Variants in GLIS1 observed in about 807,000 individuals in gnomAD.
GLIS1 encodes zinc finger protein GLIS1.
A neutral mutation model predicts 63.8 loss-of-function variants in GLIS1; 24 were observed. That is an observed-to-expected ratio of 0.38 (90% CI 0.27 to 0.53). The LOEUF is 0.53. GLIS1 is among the 20% of genes least tolerant of loss of function. The pLI, the probability that GLIS1 is intolerant of heterozygous loss-of-function variation, is 0.85. For synonymous variants in GLIS1, 450 were observed against 482.5 expected (o/e 0.93, Z 0.88); for missense variants, 1,036 against 1,074.1 (o/e 0.96, Z 0.50).
rs151166104 is a variant in GLIS1, at chr1:53,652,694, G to A, written c.260-52416C>T. Among the ~76,000 whole-genome samples, 185 of 152,176 alleles carry A rather than the reference G, an allele frequency of 1.2e-3. 1 individual carries two copies. In the East Asian group the frequency reaches 0.031, roughly 25 times the overall value. On this transcript the variant is annotated intron_variant, in intron 2 of 10. Coordinates refer to ENST00000628545, the MANE Select transcript of GLIS1 (RefSeq NM_001367484.1). ...CAATGATCTCTTCCATGTGTTTCCCGAGGCTCCTCGGTCCCTGTGCAACAC... is the reference window on the plus strand; with the variant it reads ...CAATGATCTCTTCCATGTGTTTCCCAAGGCTCCTCGGTCCCTGTGCAACAC...
chr1:53,556,663 G>A (rs966270164), intron 4 of GLIS1, among the ~76,000 whole-genome samples: 51 of 150,802 alleles, frequency 3.4e-4, no homozygotes, highest in Non-Finnish European at 5.0e-4. Context: ...GTATGTGTGT[G>A]TATGCAGGTG....
At chr1:53,696,078 C>A (rs1362197191) in intron 2 of GLIS1, among the ~76,000 whole-genome samples, 1 of 152,242 alleles carries the variant, frequency 6.6e-6, no homozygotes, top group Admixed American at 6.5e-5. Context: ...CCAGCAGTTA[C>A]CCCTGCTTTA....
At chr1:53,518,300 C>G (rs1238222809) in intron 7 of GLIS1, among the ~76,000 whole-genome samples, 1 of 152,200 alleles carries the variant, frequency 6.6e-6, no homozygotes, top group Non-Finnish European at 1.5e-5. Flanking sequence ...ACAGCCTGCA[C>G]AGATGGTCTG....
At chr1:53,525,801 C>T (rs1003249346) in intron 5 of GLIS1, among the ~76,000 whole-genome samples, 2 of 152,078 alleles carry the variant, frequency 1.3e-5, no homozygotes, top group Non-Finnish European at 2.9e-5. Context: ...CCCGCAGCCA[C>T]GTCACCTCCT....
At chr1:53,676,919 C>T (rs987065662) in intron 2 of GLIS1, among the ~76,000 whole-genome samples, 3 of 152,248 alleles carry the variant, frequency 2.0e-5, no homozygotes, top group African/African-American at 7.2e-5. Context: ...GACGCACTTG[C>T]CTTCAAATCC....
intron 2 of GLIS1, among the ~76,000 whole-genome samples, chr1:53,666,606 G>A (rs1197964717): frequency 6.6e-6 from 1 of 152,096 alleles, no homozygotes; most frequent in African/African-American, 2.4e-5. Flanking sequence ...CCACTCTTGG[G>A]GATCCAAAGC....
intron 2 of GLIS1, among the ~76,000 whole-genome samples, chr1:53,629,355 T>C (rs1254608814): frequency 2.0e-5 from 3 of 152,188 alleles, no homozygotes; most frequent in Non-Finnish European, 4.4e-5. Context: ...CACATGGCAG[T>C]TGCTATCACT....
chr1:53,559,051 T>C lies in GLIS1; in HGVS notation c.1321-29099A>G, dbSNP rs148151686. On this transcript the variant is annotated intron_variant, in intron 4 of 10. Transcript: ENST00000628545. Reference sequence around the variant, plus strand: ...CAAATCCCAAACTGATGAGTGTTTGTGGTAGCAGAGGTAAGACTCAGACCC... The same window carrying C: ...CAAATCCCAAACTGATGAGTGTTTGCGGTAGCAGAGGTAAGACTCAGACCC... 1.1e-3 allele frequency among the ~76,000 whole-genome samples: 165 copies of C among 152,324 alleles called. 2 individuals are homozygous for C. Among genetic ancestry groups the C allele is most frequent in the African/African-American group, 3.8e-3 (156 of 41,564 alleles).
At chr1:53,537,986 T>C (rs1422835770) in intron 4 of GLIS1, among the ~76,000 whole-genome samples, 1 of 152,244 alleles carries the variant, frequency 6.6e-6, no homozygotes, top group East Asian at 1.9e-4. Flanking sequence ...TTCTCCAACA[T>C]GTCAAATAAT....
Position 53,506,648 on chromosome 1 carries a change from G to A in GLIS1, c.2359C>T (p.His787Tyr). The change falls in exon 11 of 11, where the codon CAC becomes TAC. Residue 787 changes from histidine (H) to tyrosine (Y), a missense_variant. Around this residue, in one of 3 missense-constraint regions of GLIS1, gnomAD observed 400 missense variants for 400.9 expected, o/e 1.00. Transcript: ENST00000628545. ...GTGTCTGTGTAGATGGAGGGGATGT[G>A]GCCCAGGCAGTGGTCAAAGGCTCCA... is the stretch of plus-strand genomic sequence containing the variant. ...PNGAFDHCLG[H>Y]IPSIYTDT is the part of the protein sequence containing the mutation. The A allele has an allele frequency of 1.3e-6, 2 of 1,591,472 alleles. No homozygotes were observed. The highest frequency in any genetic ancestry group is 2.3e-5 in the East Asian group (1 of 43,946).
intron 4 of GLIS1, among the ~76,000 whole-genome samples, chr1:53,578,021 G>A (rs2100486941): frequency 6.6e-6 from 1 of 152,106 alleles, no homozygotes; most frequent in African/African-American, 2.4e-5. Context: ...CTTCTCCTAG[G>A]CCCCATCATC....
At position 53,632,063 on chromosome 1, in the gene GLIS1, G is replaced by A. The variant is rs559143013; in HGVS notation, c.260-31785C>T. 1.1e-4 allele frequency among the ~76,000 whole-genome samples: 16 copies of A among 150,870 alleles called. No individual in the cohort carries two copies. The East Asian group carries it at 1.4e-3, about 13-fold the overall frequency. ...GAGAGAGGTGTGTGAATGAGTGTGC[G>A]GGATGTGTGAATGAGTGTGACTGAG... is the stretch of plus-strand genomic sequence containing the variant. On this transcript the variant is annotated intron_variant, in intron 2 of 10. Transcript: ENST00000628545.
chr1:53,731,905 A>C (rs1318894114), intron 2 of GLIS1, among the ~76,000 whole-genome samples: 2 of 152,184 alleles, frequency 1.3e-5, no homozygotes, highest in African/African-American at 2.4e-5. Context: ...GGAATCCTGG[A>C]GTATCAGCAG....
intron 2 of GLIS1, among the ~76,000 whole-genome samples, chr1:53,626,840 T>C (rs147383074): frequency 3.2e-3 from 491 of 152,374 alleles, no homozygotes; most frequent in Middle Eastern, 6.8e-3. Context: ...GTGGCTGACA[T>C]GCCCCTGCAT....
chr1:53,616,821 C>T (rs551056151), intron 2 of GLIS1, among the ~76,000 whole-genome samples: 10 of 152,258 alleles, frequency 6.6e-5, no homozygotes, highest in Non-Finnish European at 1.3e-4. Context: ...CTCCGAGGCT[C>T]GGGATTTCTG....
intron 2 of GLIS1, among the ~76,000 whole-genome samples, chr1:53,691,371 C>T (rs908520598): frequency 6.6e-6 from 1 of 152,316 alleles, no homozygotes; most frequent in East Asian, 1.9e-4. Flanking sequence ...ACATGAGACA[C>T]ACATAAACCT....
At chr1:53,592,926 A>C (rs1645206950) in intron 4 of GLIS1, among the ~76,000 whole-genome samples, 1 of 152,216 alleles carries the variant, frequency 6.6e-6, no homozygotes. Context: ...AAGGGCAAGC[A>C]CCTTGCCCCA....
At position 53,646,213 on chromosome 1, in the gene GLIS1, T is replaced by C. The variant is rs1645842771; in HGVS notation, c.260-45935A>G. Among the ~76,000 whole-genome samples, 1 of 152,126 alleles carries C rather than the reference T, an allele frequency of 6.6e-6. No individual in the cohort carries two copies. Among genetic ancestry groups the C allele is most frequent in the African/African-American group, 2.4e-5 (1 of 41,420 alleles). ...AAGCAAGAGAATGACAAACATAAGA[T>C]TACCTCTAGTGGGTAAGCAGGGATG... On this transcript the variant is annotated intron_variant, in intron 2 of 10. Transcript: ENST00000628545. This position sits in a 1 kb window ranked among gnomAD's most constrained non-coding sequence, Gnocchi z 4.2.
chr1:53,684,857 T>G (rs1254931068), intron 2 of GLIS1, among the ~76,000 whole-genome samples: 2 of 152,196 alleles, frequency 1.3e-5, no homozygotes, highest in Non-Finnish European at 2.9e-5. Context: ...GCTTGCTGTG[T>G]GGCTTCAGGG....
Sources: allele counts gnomAD v4.1 joint callset (sites outside exome capture counted in the v4.1 genomes callset), GRCh38; gene constraint gnomAD v4.1.1; regional missense constraint gnomAD v4.1.1; non-coding constraint Gnocchi (gnomAD v3.1); transcripts MANE v1.5; gene names NCBI Gene and HGNC (gene_info 2026-07-23, HGNC 2026-07-21).